TBXAS1: variants seen among roughly 807,000 people sequenced by gnomAD.
TBXAS1 encodes thromboxane A synthase 1.
A neutral mutation model predicts 60.7 loss-of-function variants in TBXAS1; 48 were observed. The ratio of observed to expected loss-of-function variants is 0.79; its 90% CI spans 0.63 to 1.01. TBXAS1 has a LOEUF of 1.01. Among genes scored for constraint, TBXAS1 ranks in the 50% least tolerant of loss-of-function variants. The pLI, the probability that TBXAS1 is intolerant of heterozygous loss-of-function variation, is 0.00. For missense variants in TBXAS1, 685 were observed against 686.3 expected (o/e 1.00, Z 0.02); for synonymous variants, 287 against 269.7 (o/e 1.06, Z -0.63).
chr7:139,991,664 TAAAC>T (rs923850081), intron 9 of TBXAS1, among the ~76,000 whole-genome samples: 3 of 152,188 alleles, frequency 2.0e-5, no homozygotes, highest in Non-Finnish European at 4.4e-5. Context: ...TAGAAACACA[TAAAC>T]AGAGAATCGT....
At chr7:139,943,095 G>A (rs1420378820) in intron 5 of TBXAS1, among the ~76,000 whole-genome samples, 1 of 152,140 alleles carries the variant, frequency 6.6e-6, no homozygotes, top group Non-Finnish European at 1.5e-5. Flanking sequence ...GGCAGAACAC[G>A]CTTCCCAATA....
intron 1 of TBXAS1, among the ~76,000 whole-genome samples, chr7:139,857,604 A>C (rs532669409): frequency 1.2e-4 from 19 of 152,118 alleles, no homozygotes; most frequent in Non-Finnish European, 2.6e-4. Context: ...GTGTTTTCGG[A>C]TGGTGGCACT....
At chr7:139,838,732 T>C (rs1043810359) in intron 1 of TBXAS1, among the ~76,000 whole-genome samples, 2 of 152,186 alleles carry the variant, frequency 1.3e-5, no homozygotes, top group Non-Finnish European at 2.9e-5. Flanking sequence ...CGAAACCGCG[T>C]TGGACACCAT....
intron 9 of TBXAS1, among the ~76,000 whole-genome samples, chr7:140,002,642 G>T (rs1273969411): frequency 6.6e-6 from 1 of 152,162 alleles, no homozygotes; most frequent in Non-Finnish European, 1.5e-5. Context: ...TGCCTCATCC[G>T]TTCATTCCTC....
chr7:139,891,834 C>G (rs1250863253), intron 3 of TBXAS1, among the ~76,000 whole-genome samples: 1 of 152,034 alleles, frequency 6.6e-6, no homozygotes, highest in Non-Finnish European at 1.5e-5. Context: ...TGCTATTTGG[C>G]TAATTTGGGT....
At chr7:139,993,118 A>G (rs938070734) in intron 9 of TBXAS1, among the ~76,000 whole-genome samples, 9 of 152,124 alleles carry the variant, frequency 5.9e-5, no homozygotes, top group African/African-American at 1.9e-4. Flanking sequence ...AATTGCTTGA[A>G]CCCGGGAGGC....
At position 139,984,644 on chromosome 7, in the gene TBXAS1, A is replaced by G. The variant is rs111335671; in HGVS notation, c.1134+22411A>G. On this transcript the variant is annotated intron_variant, in intron 9 of 12. Coordinates refer to ENST00000448866, the MANE Select transcript of TBXAS1 (RefSeq NM_001061.7). Reference sequence around the variant, plus strand: ...AGAGAGAGAGAGAGAGAGAGAGAGAAAGAAAGAAAGGGAAGGGGGAAAGAA... The same window carrying G: ...AGAGAGAGAGAGAGAGAGAGAGAGAGAGAAAGAAAGGGAAGGGGGAAAGAA... Among the ~76,000 whole-genome samples the G allele has an allele frequency of 3.4e-3, 278 of 82,154 alleles. 5 individuals are homozygous for G. The highest frequency in any genetic ancestry group is 6.1e-3 in the African/African-American group (106 of 17,450). The allele number at this position is 82,154 out of a possible 152,430, so 53.9% of individuals were successfully genotyped here. A position where few individuals can be genotyped will look rare whatever the true frequency, so the allele number is the denominator to read the frequency against.
chr7:139,886,913 T>TCCCATGAGCA (rs1394301692), intron 3 of TBXAS1, among the ~76,000 whole-genome samples: 1 of 152,132 alleles, frequency 6.6e-6, no homozygotes, highest in African/African-American at 2.4e-5. Context: ...CTTTGGAGCA[T>TCCCATGAGCA]CCCATGAGCA....
rs577383472 is a variant in TBXAS1, at chr7:139,954,606, ATTGGCCT to A, written c.540-850_540-844del. On this transcript the variant is annotated intron_variant, in intron 6 of 12. Transcript: ENST00000448866. The stretch of plus-strand genomic sequence containing the variant: ...GTGTGTGCCTACATTGAGAACAAAA[ATTGGCCT>A]TTTAATTATAAAAAGATATTAATAA... Among the ~76,000 whole-genome samples the A allele has an allele frequency of 1.5e-3, 224 of 152,394 alleles. 1 individual carries two copies. The highest frequency in any genetic ancestry group is 2.6e-3 in the Non-Finnish European group (178 of 68,038).
Position 139,999,906 on chromosome 7 carries a change from A to G in TBXAS1, c.1135-7185A>G, listed in dbSNP as rs1813545751. On this transcript the variant is annotated intron_variant, in intron 9 of 12. Transcript: ENST00000448866. The surrounding 1 kb of genome is among the most constrained non-coding windows in gnomAD (Gnocchi z 4.3). Reference sequence around the variant, plus strand: ...AACATAGAAAAATGATAATTTTTCTATTAGGTCCGTGAATCTCCAGGAAAA... The same window carrying G: ...AACATAGAAAAATGATAATTTTTCTGTTAGGTCCGTGAATCTCCAGGAAAA... Among the ~76,000 whole-genome samples the G allele has an allele frequency of 6.6e-6, 1 of 152,160 alleles. No homozygotes were observed. The highest frequency in any genetic ancestry group is 1.5e-5 in the Non-Finnish European group (1 of 68,022).
intron 9 of TBXAS1, among the ~76,000 whole-genome samples, chr7:139,971,443 C>T (rs953734271): frequency 6.6e-6 from 1 of 152,176 alleles, no homozygotes; most frequent in Non-Finnish European, 1.5e-5. Context: ...GATCAGGTGG[C>T]AGGGCCTCGG....
chr7:140,009,407 C>G (rs1814346555), intron 10 of TBXAS1, among the ~76,000 whole-genome samples: 1 of 152,150 alleles, frequency 6.6e-6, no homozygotes, highest in African/African-American at 2.4e-5. Flanking sequence ...CCTGCAGAAG[C>G]AGGCAAGAGG....
At chr7:139,831,779 A>G (rs1798717528) in intron 1 of TBXAS1, among the ~76,000 whole-genome samples, 1 of 152,170 alleles carries the variant, frequency 6.6e-6, no homozygotes, top group Non-Finnish European at 1.5e-5. Flanking sequence ...TAAAAATACA[A>G]AAATTAGCTG....
rs546794213 is a variant in TBXAS1, at chr7:140,013,495, G to T, written c.1227-2228G>T. Among the ~76,000 whole-genome samples the T allele has an allele frequency of 1.3e-5, 2 of 152,222 alleles. No individual in the cohort carries two copies. The highest frequency in any genetic ancestry group is 2.4e-5 in the African/African-American group (1 of 41,456). On this transcript the variant is annotated intron_variant, in intron 10 of 12. Coordinates refer to ENST00000448866, the MANE Select transcript of TBXAS1 (RefSeq NM_001061.7). The surrounding 1 kb of genome is among the most constrained non-coding windows in gnomAD (Gnocchi z 4.2). ...TAAGAGAGCCATGCCGGGATTTCAA[G>T]TTGCAAGGAAGAGAGATTCAATGGT...
At chr7:139,890,319 C>T (rs1803489105) in intron 3 of TBXAS1, among the ~76,000 whole-genome samples, 2 of 149,372 alleles carry the variant, frequency 1.3e-5, no homozygotes, top group Non-Finnish European at 3.0e-5. Context: ...GGGTTCACAC[C>T]ATTCTCCTGC....
intron 4 of TBXAS1, among the ~76,000 whole-genome samples, chr7:139,795,628 C>T (rs1797544926): frequency 6.7e-6 from 1 of 149,322 alleles, no homozygotes; most frequent in East Asian, 2.0e-4. Flanking sequence ...AGGTTTTCTT[C>T]TAGGGTTTTT....
chr7:139,909,466 A>G (rs576324551), intron 3 of TBXAS1, among the ~76,000 whole-genome samples: 2 of 152,334 alleles, frequency 1.3e-5, no homozygotes, highest in East Asian at 1.9e-4. Context: ...CTTGGTTAAA[A>G]TCAGTAAAAG....
intron 3 of TBXAS1, among the ~76,000 whole-genome samples, chr7:139,786,135 A>G (rs1408338929): frequency 2.0e-5 from 3 of 150,624 alleles, no homozygotes; most frequent in Non-Finnish European, 4.4e-5. Context: ...ACTGACCATC[A>G]GGAACATTAG....
chr7:139,848,021 A>G (rs1799933128), intron 1 of TBXAS1, among the ~76,000 whole-genome samples: 2 of 151,962 alleles, frequency 1.3e-5, no homozygotes. Flanking sequence ...AGGTCTTGCT[A>G]TATTTCCCAG....
Sources: gnomAD v4.1 joint callset for allele counts (sites outside exome capture counted in the v4.1 genomes callset) on GRCh38, gnomAD v4.1.1 for gene constraint, Gnocchi (gnomAD v3.1) non-coding constraint, MANE v1.5 for transcripts, NCBI Gene and HGNC (gene_info 2026-07-23, HGNC 2026-07-21) for gene names.